The following XKR4 variants were observed in gnomAD, a reference collection of about 807,000 sequenced individuals.
XKR4 encodes the protein XK related 4.
XKR4 carries 12 observed loss-of-function variants against 53.9 expected under a neutral mutation model. The observed-to-expected ratio is 0.22, with a 90% CI of 0.14 to 0.36. The LOEUF is 0.36. XKR4 is among the 10% of genes least tolerant of loss of function. The pLI is 1.00. For missense variants in XKR4, 799 were observed against 859.5 expected, an observed-to-expected ratio of 0.93 and a Z score of 0.88; for synonymous variants, 354 against 362.4, an observed-to-expected ratio of 0.98 and a Z score of 0.26.
At chr8:55,406,961 G>A (rs1324511761) in intron 2 of XKR4, among the ~76,000 whole-genome samples, 4 of 152,182 alleles carry the variant, frequency 2.6e-5, no homozygotes, top group African/African-American at 9.7e-5. Context: ...CCTTATAGGG[G>A]TTCTTAGTAG....
chr8:55,212,732 C>T (rs1817746607), intron 1 of XKR4, among the ~76,000 whole-genome samples: 1 of 152,146 alleles, frequency 6.6e-6, no homozygotes, highest in African/African-American at 2.4e-5. Flanking sequence ...TCATGGAATT[C>T]AGACAGAAGC....
intron 2 of XKR4, among the ~76,000 whole-genome samples, chr8:55,377,293 C>T (rs1227717402): frequency 2.0e-5 from 3 of 152,172 alleles, no homozygotes; most frequent in African/African-American, 7.2e-5. Context: ...GTAACCCATA[C>T]CTCATAGGCA....
chr8:55,376,848 ATTTC>A (rs1480235756), intron 2 of XKR4, among the ~76,000 whole-genome samples: 3 of 151,726 alleles, frequency 2.0e-5, no homozygotes, highest in Non-Finnish European at 4.4e-5. Context: ...AAGTCATTAT[ATTTC>A]TTTCTATTTT....
chr8:55,446,460 G>A (rs538447095), intron 2 of XKR4, among the ~76,000 whole-genome samples: 2 of 152,064 alleles, frequency 1.3e-5, no homozygotes, highest in African/African-American at 2.4e-5. Context: ...TCCAGCCTCA[G>A]CCTCCCGAGT....
chr8:55,423,971 C>T (rs1409720257), intron 2 of XKR4, among the ~76,000 whole-genome samples: 1 of 152,176 alleles, frequency 6.6e-6, no homozygotes, highest in Non-Finnish European at 1.5e-5. Flanking sequence ...TGGGAGCAAA[C>T]CTTTCCTTTA....
chr8:55,121,345 T>C (rs1367360880), intron 1 of XKR4, among the ~76,000 whole-genome samples: 1 of 152,180 alleles, frequency 6.6e-6, no homozygotes, highest in Admixed American at 6.5e-5. Flanking sequence ...TACCAATTTC[T>C]GAGCACCTAC....
chr8:55,265,809 T>C (rs1472550098), intron 1 of XKR4, among the ~76,000 whole-genome samples: 1 of 150,686 alleles, frequency 6.6e-6, no homozygotes, highest in East Asian at 2.0e-4. Context: ...TGAAACCATG[T>C]CTCTACTAAA....
At chr8:55,419,824 TG>T (rs1804897964) in intron 2 of XKR4, among the ~76,000 whole-genome samples, 1 of 152,330 alleles carries the variant, frequency 6.6e-6, no homozygotes, top group South Asian at 2.1e-4. Context: ...TTAAGAAAAT[TG>T]GATGGGTAGA....
chr8:55,444,528 G>A (rs1805316966), intron 2 of XKR4, among the ~76,000 whole-genome samples: 1 of 152,192 alleles, frequency 6.6e-6, no homozygotes. Context: ...AATTAAAAAG[G>A]TGAATGATTT....
chr8:55,478,261 A>C (rs1434163534), intron 2 of XKR4, among the ~76,000 whole-genome samples: 4 of 152,172 alleles, frequency 2.6e-5, no homozygotes. Flanking sequence ...TTCTTAAAAA[A>C]AGAATTTTCA....
intron 2 of XKR4, among the ~76,000 whole-genome samples, chr8:55,410,172 AC>A (rs915379854): frequency 6.0e-5 from 9 of 150,250 alleles, no homozygotes; most frequent in African/African-American, 2.2e-4. Context: ...TTCTTGACTC[AC>A]CCCCCTTCTG....
intron 1 of XKR4, among the ~76,000 whole-genome samples, chr8:55,221,779 A>G (rs1442259908): frequency 6.6e-6 from 1 of 152,116 alleles, no homozygotes; most frequent in Non-Finnish European, 1.5e-5. Flanking sequence ...CCTTCTCCAG[A>G]GGGTCTCACC....
chr8:55,457,299 C>A (rs371617073), intron 2 of XKR4, among the ~76,000 whole-genome samples: 2 of 152,020 alleles, frequency 1.3e-5, no homozygotes, highest in Non-Finnish European at 2.9e-5. Context: ...CCCACCACCA[C>A]GCCCAGCTAA....
chr8:55,165,945 A>G (rs907483393), intron 1 of XKR4, among the ~76,000 whole-genome samples: 1 of 152,248 alleles, frequency 6.6e-6, no homozygotes, highest in Admixed American at 6.5e-5. Context: ...AATAAAATGA[A>G]TCCAGATACT....
intron 1 of XKR4, among the ~76,000 whole-genome samples, chr8:55,321,273 C>T (rs1400625794): frequency 6.6e-6 from 1 of 152,128 alleles, no homozygotes; most frequent in African/African-American, 2.4e-5. Context: ...TTAAACTAAA[C>T]AAAACAAAAT....
chr8:55,501,743 G>A (rs1806441471), intron 2 of XKR4, among the ~76,000 whole-genome samples: 3 of 151,618 alleles, frequency 2.0e-5, no homozygotes, highest in Admixed American at 2.0e-4. Context: ...TAAACATTTG[G>A]GTTGTTTCCA....
chr8:55,186,382 G>A (rs1285242640), intron 1 of XKR4, among the ~76,000 whole-genome samples: 13 of 152,282 alleles, frequency 8.5e-5, no homozygotes, highest in Admixed American at 3.9e-4. Flanking sequence ...GAGGCCGGGC[G>A]CTGTGGCTCA....
chr8:55,403,306 C>A (rs562174986), intron 2 of XKR4, among the ~76,000 whole-genome samples: 21 of 152,306 alleles, frequency 1.4e-4, no homozygotes, highest in African/African-American at 3.8e-4. Flanking sequence ...CTCTTACCAG[C>A]CAATTACTTG....
intron 2 of XKR4, among the ~76,000 whole-genome samples, chr8:55,493,009 C>A (rs1200829084): frequency 2.6e-5 from 4 of 152,166 alleles, no homozygotes; most frequent in South Asian, 2.1e-4. Flanking sequence ...TGTAACTATG[C>A]CAACAATGAC....
Sources: allele counts gnomAD v4.1 joint callset (sites outside exome capture counted in the v4.1 genomes callset), GRCh38; gene constraint gnomAD v4.1.1; transcripts MANE v1.5; gene names NCBI Gene and HGNC (gene_info 2026-07-23, HGNC 2026-07-21).